The following LLGL2 variants were observed in gnomAD, a reference collection of about 807,000 sequenced individuals.
LLGL2 encodes LLGL2, scribble cell polarity complex component.
In LLGL2, 81 loss-of-function variants were observed where a neutral mutation model predicts 123.2. That is an observed-to-expected ratio of 0.66 (90% confidence interval 0.55 to 0.79). The LOEUF (loss-of-function observed/expected upper bound fraction) is 0.79, where lower values mean the gene tolerates loss of function less well. LLGL2 is among the 30% of genes least tolerant of loss of function. The probability of loss-of-function intolerance (pLI) is 0.00; values close to 1 mark genes in which losing one functional copy is unlikely to be tolerated. For missense variants in LLGL2, 1,273 were observed against 1,414.6 expected, an observed-to-expected ratio of 0.90 and a Z score of 1.61; for synonymous variants, 577 against 594.1, an observed-to-expected ratio of 0.97 and a Z score of 0.42.
In LLGL2 at chr17:75,564,024, C is replaced by G. The variant is rs1355220336; in HGVS notation, c.881+218C>G. ...ATTCTTGCTCCTTTCTTCCACCTTC[C>G]CAGAGAGACGGTACTGAGCAGCAGG... On this transcript the variant is annotated intron_variant, in intron 9 of 25. Coordinates refer to ENST00000392550, the MANE Select transcript of LLGL2 (RefSeq NM_001031803.2). The surrounding 1 kb of genome is among the most constrained non-coding windows in gnomAD (Gnocchi z 4.9). Among the ~76,000 whole-genome samples, 1 of 152,186 alleles carries G rather than the reference C, an allele frequency of 6.6e-6. No homozygotes were observed. Among genetic ancestry groups the G allele is most frequent in the Non-Finnish European group, 1.5e-5 (1 of 68,032 alleles).
chr17:75,572,613 C>T lies in LLGL2; in HGVS notation c.2461-401C>T, dbSNP rs193202006. Among the ~76,000 whole-genome samples, 31 of 144,912 alleles carry T rather than the reference C, an allele frequency of 2.1e-4. No homozygotes were observed. In the East Asian group the frequency reaches 4.8e-3, roughly 23 times the overall value. On this transcript the variant is annotated intron_variant, in intron 19 of 25. Coordinates refer to ENST00000392550, the MANE Select transcript of LLGL2 (RefSeq NM_001031803.2). The stretch of plus-strand genomic sequence containing the variant: ...CCAGGAGGCGGAGCTTGCAGTGAGC[C>T]GAGATTGTGCCACTGCCCTCCAGCC...
chr17:75,551,609 G>A (rs896792352), intron 2 of LLGL2, among the ~76,000 whole-genome samples: 6 of 152,262 alleles, frequency 3.9e-5, no homozygotes, highest in African/African-American at 1.2e-4. Flanking sequence ...ATGCTGAGCC[G>A]AACAGGAGTA....
intron 10 of LLGL2, among the ~76,000 whole-genome samples, chr17:75,565,213 G>A (rs2147477404): frequency 6.6e-6 from 1 of 152,352 alleles, no homozygotes; most frequent in South Asian, 2.1e-4. Context: ...GCTCCAGCAG[G>A]ACCGGCAGAG....
chr17:75,573,004 A>G lies in LLGL2; in HGVS notation c.2461-10A>G. The G allele has an allele frequency of 6.3e-7, 1 of 1,594,932 alleles. No individual in the cohort carries two copies. Among genetic ancestry groups the G allele is most frequent in the Non-Finnish European group, 8.6e-7 (1 of 1,167,328 alleles). ...GGCCATGGGCATGAACAACCACCCC[A>G]CGCCCCCAGGTGTTCACGCTGCCCA... On this transcript the variant is annotated splice_polypyrimidine_tract_variant and intron_variant, in intron 19 of 25. Coordinates refer to ENST00000392550, the MANE Select transcript of LLGL2 (RefSeq NM_001031803.2).
chr17:75,528,422 AC>A, intron 1 of LLGL2, among the ~76,000 whole-genome samples: 1 of 152,108 alleles, frequency 6.6e-6, no homozygotes, highest in East Asian at 1.9e-4. Flanking sequence ...GCCTTAAATA[AC>A]TTTTTAATAT....
Position 75,559,110 on chromosome 17 carries a change from A to G in LLGL2, c.372-142A>G. On this transcript the variant is annotated intron_variant, in intron 5 of 25. Coordinates refer to ENST00000392550, the MANE Select transcript of LLGL2 (RefSeq NM_001031803.2). This position sits in a 1 kb window ranked among gnomAD's most constrained non-coding sequence, Gnocchi z 4.6. The stretch of plus-strand genomic sequence containing the variant: ...CTGTCTCCTGTCTTGGCAGAAAGTG[A>G]CCAATGTTTGTCCTGGCTTGAAATG... 2 of 908,094 alleles carry G rather than the reference A, an allele frequency of 2.2e-6. No homozygotes were observed. The highest frequency in any genetic ancestry group is 3.2e-6 in the Non-Finnish European group (2 of 623,464). 56.3% of individuals were successfully genotyped at this position (908,094 alleles called of 1,614,324 possible).
Position 75,571,024 on chromosome 17 carries a change from C to T in LLGL2, c.2100C>T (p.Ile700=), listed in dbSNP as rs377414113. The T allele has an allele frequency of 3.7e-6, 6 of 1,612,982 alleles. No homozygotes were observed. Among genetic ancestry groups the T allele is most frequent in the Admixed American group, 1.7e-5 (1 of 60,006 alleles). The change falls in exon 17 of 26, where the codon ATC becomes ATT. Residue 700 remains isoleucine (I), a synonymous_variant. Transcript: ENST00000392550. The part of the protein sequence containing the change: ...NMELAPVQRK[I]EARSAEDSFT... ...AGCTGGCGCCTGTGCAGCGCAAGAT[C>T]GAGGCTCGCTCGGCAGAGGACTCCT...
intron 25 of LLGL2, 44 bp downstream of exon 25, chr17:75,574,712 A>G (rs771211459): frequency 6.2e-7 from 1 of 1,603,554 alleles, no homozygotes. Flanking sequence ...CGTGCTGGGA[A>G]GGGCTGGGAG....
At position 75,531,850 on chromosome 17, in the gene LLGL2, G is replaced by A. The variant is rs569554626; in HGVS notation, c.-31+6025G>A. Among the ~76,000 whole-genome samples the A allele has an allele frequency of 2.6e-5, 4 of 152,210 alleles. No homozygotes were observed. The South Asian group carries it at 8.3e-4, about 32-fold the overall frequency. On this transcript the variant is annotated intron_variant, in intron 1 of 25. Coordinates refer to ENST00000392550, the MANE Select transcript of LLGL2 (RefSeq NM_001031803.2). ...ATACTCACCCCTCTCTTCTTCCCAGGAACCACAGCGAATTCTTGAGCTAGG... is the reference window on the plus strand; with the variant it reads ...ATACTCACCCCTCTCTTCTTCCCAGAAACCACAGCGAATTCTTGAGCTAGG...
At chr17:75,545,099 G>A (rs1347527760) in intron 2 of LLGL2, among the ~76,000 whole-genome samples, 1 of 152,064 alleles carries the variant, frequency 6.6e-6, no homozygotes, top group East Asian at 1.9e-4. Context: ...CAGCAAATAG[G>A]GCTGAACACC....
At chr17:75,566,586 A>AGGGGCGTATCCGT (rs1486150640) in intron 10 of LLGL2, among the ~76,000 whole-genome samples, 4 of 152,230 alleles carry the variant, frequency 2.6e-5, no homozygotes, top group Admixed American at 2.0e-4. Context: ...GGACAACACA[A>AGGGGCGTATCCGT]GGGGCGTATC....
Position 75,544,408 on chromosome 17 carries a change from C to T in LLGL2, c.75+907C>T, listed in dbSNP as rs920438298. ...CGAAAGGAAGCAGTGGATGTGAGAC[C>T]AGACAGTCTGGAAAAGGGATGTCTC... On this transcript the variant is annotated intron_variant, in intron 2 of 25. Coordinates refer to ENST00000392550, the MANE Select transcript of LLGL2 (RefSeq NM_001031803.2). The surrounding 1 kb of genome is among the most constrained non-coding windows in gnomAD (Gnocchi z 4.2). Among the ~76,000 whole-genome samples the T allele has an allele frequency of 1.3e-5, 2 of 152,218 alleles. No homozygotes were observed. The highest frequency in any genetic ancestry group is 2.9e-5 in the Non-Finnish European group (2 of 68,044).
intron 10 of LLGL2, among the ~76,000 whole-genome samples, chr17:75,567,094 TG>T (rs1367332829): frequency 6.6e-6 from 1 of 152,116 alleles, no homozygotes; most frequent in East Asian, 1.9e-4. Flanking sequence ...TGAAGTTTGG[TG>T]GGGATCTGGC....
intron 1 of LLGL2, 184 bp from the exon 2 acceptor site, chr17:75,543,213 G>A (rs751663679): frequency 2.6e-6 from 1 of 388,934 alleles, no homozygotes. Flanking sequence ...CCTGAGGTGG[G>A]CCGGCCTCTA....
intron 16 of LLGL2, among the ~76,000 whole-genome samples, chr17:75,570,700 A>G (rs2055664813): frequency 1.3e-5 from 2 of 152,200 alleles, no homozygotes. Flanking sequence ...AGTAACTGTA[A>G]TGCTTATCCT....
In LLGL2 at chr17:75,564,683, G is replaced by A; in HGVS notation, c.1036+176G>A. ...TTCAAGTCCAGCCTGGACAACGTAG[G>A]GAGACCCTTGTCTCTACAAAAAATA... On this transcript the variant is annotated intron_variant, in intron 10 of 25. Transcript: ENST00000392550. The surrounding 1 kb of genome is among the most constrained non-coding windows in gnomAD (Gnocchi z 4.9). The A allele has an allele frequency of 9.5e-7, 1 of 1,048,120 alleles. No homozygotes were observed. Among genetic ancestry groups the A allele is most frequent in the Non-Finnish European group, 1.3e-6 (1 of 749,026 alleles). The allele number at this position is 1,048,120 out of a possible 1,614,324, so 64.9% of individuals were successfully genotyped here. A position where few individuals can be genotyped will look rare whatever the true frequency, so the allele number is the denominator to read the frequency against.
intron 3 of LLGL2, among the ~76,000 whole-genome samples, chr17:75,556,804 TC>T (rs2054934261): frequency 1.3e-5 from 2 of 152,194 alleles, no homozygotes; most frequent in Admixed American, 1.3e-4. Context: ...GGCGGGCAGA[TC>T]ACTTGAGGTC....
chr17:75,574,120 C>T lies in LLGL2; in HGVS notation c.2906-93C>T, dbSNP rs1309747531. The T allele has an allele frequency of 2.6e-6, 4 of 1,537,848 alleles. No homozygotes were observed. The African/African-American group carries it at 4.1e-5, about 16-fold the overall frequency. ...ACGGCATTCCTTCCAGCCCTGGGCC[C>T]TGGGCTTCCACATCCTGACCTCAGT... On this transcript the variant is annotated intron_variant, in intron 22 of 25. Transcript: ENST00000392550.
intron 17 of LLGL2, 139 bp downstream of exon 17, chr17:75,571,239 A>T (rs1212508914): frequency 5.0e-6 from 4 of 798,196 alleles, no homozygotes; most frequent in Non-Finnish European, 8.1e-6. Flanking sequence ...GGCAGACTGC[A>T]GCCCCTGCCT....
Sources: gnomAD v4.1 joint callset for allele counts (sites outside exome capture counted in the v4.1 genomes callset) on GRCh38, gnomAD v4.1.1 for gene constraint, Gnocchi (gnomAD v3.1) non-coding constraint, MANE v1.5 for transcripts, NCBI Gene and HGNC (gene_info 2026-07-23, HGNC 2026-07-21) for gene names.